Variants in PKP2 observed in about 807,000 individuals in gnomAD.
The protein encoded by PKP2 is plakophilin 2.
PKP2 carries 73 observed loss-of-function variants against 83.4 expected under a neutral mutation model. The ratio of observed to expected loss-of-function variants is 0.88; its 90% CI spans 0.72 to 1.06. The LOEUF is 1.06. Ranked by LOEUF, PKP2 falls within the 50% of genes least tolerant of loss-of-function variation. The pLI, the probability that PKP2 is intolerant of heterozygous loss-of-function variation, is 0.00. For missense variants in PKP2, 966 were observed against 1,065.4 expected, an observed-to-expected ratio of 0.91 and a Z score of 1.30; for synonymous variants, 409 against 430.4, an observed-to-expected ratio of 0.95 and a Z score of 0.62.
In PKP2 at chr12:32,821,315, A is replaced by G. The variant is rs566468240; in HGVS notation, c.2013+41T>C. On this transcript the variant is annotated intron_variant, in intron 9 of 12. Coordinates refer to ENST00000340811, the MANE Select transcript of PKP2 (RefSeq NM_001005242.3). ...AATTGAATGTAGGTATGTCTACAAT[A>G]TCATTATTTTAAAAAGTAGGAAATC... The G allele has an allele frequency of 1.9e-4, 288 of 1,545,778 alleles. 1 individual carries two copies. In the South Asian group the frequency reaches 3.1e-3, roughly 17 times the overall value.
chr12:32,846,828 A>G (rs985999023), intron 5 of PKP2, among the ~76,000 whole-genome samples: 5 of 151,838 alleles, frequency 3.3e-5, no homozygotes, highest in African/African-American at 1.2e-4. Context: ...TCTCAAAGAC[A>G]AGCCCCTTCT....
chr12:32,805,911 G>A (rs983346739), intron 9 of PKP2, among the ~76,000 whole-genome samples: 1 of 152,122 alleles, frequency 6.6e-6, no homozygotes, highest in African/African-American at 2.4e-5. Flanking sequence ...TTTATTGAGA[G>A]CTTTTACCAT....
intron 6 of PKP2, among the ~76,000 whole-genome samples, chr12:32,834,593 C>T (rs1164720183): frequency 6.6e-6 from 1 of 152,082 alleles, no homozygotes; most frequent in Admixed American, 6.6e-5. Context: ...CCTACCATTC[C>T]TCATGGTCTT....
intron 11 of PKP2, among the ~76,000 whole-genome samples, chr12:32,793,612 GCT>G (rs1956093341): frequency 6.4e-5 from 6 of 94,312 alleles, no homozygotes; most frequent in Non-Finnish European, 1.0e-4. Context: ...TTCATATTCT[GCT>G]TTTTTTTTTT....
Position 32,792,229 on chromosome 12 carries a change from A to C in PKP2, c.*195T>G. On this transcript the variant is annotated 3_prime_UTR_variant, in exon 13 of 13. Transcript: ENST00000340811. The stretch of plus-strand genomic sequence containing the variant: ...TTTGTCGAGCCTGTGGCCGGTATCT[A>C]CTGGTGGCAAACTTGCAAAGGTCTT... The C allele has an allele frequency of 1.6e-6, 1 of 633,068 alleles. No homozygotes were observed. Among genetic ancestry groups the C allele is most frequent in the South Asian group, 1.8e-5 (1 of 54,434 alleles). The allele number at this position is 633,068 out of a possible 1,614,324, so 39.2% of individuals were successfully genotyped here.
At chr12:32,805,579 G>T (rs548865696) in intron 9 of PKP2, among the ~76,000 whole-genome samples, 2 of 152,262 alleles carry the variant, frequency 1.3e-5, no homozygotes, top group African/African-American at 4.8e-5. Context: ...CCCATTGCTT[G>T]CTTTTGTCAG....
chr12:32,811,801 C>T (rs1956279332), intron 9 of PKP2, among the ~76,000 whole-genome samples: 1 of 152,218 alleles, frequency 6.6e-6, no homozygotes, highest in Non-Finnish European at 1.5e-5. Context: ...TCTCCAACAG[C>T]TTGGCTTTCT....
chr12:32,821,211 C>T (rs564051910), intron 9 of PKP2, 145 bp downstream of exon 9: 17 of 765,914 alleles, frequency 2.2e-5, no homozygotes, highest in East Asian at 2.2e-4. Context: ...AAGCTGAGAC[C>T]GAAGCCCTCT....
chr12:32,886,451 T>C (rs1957030697), intron 1 of PKP2, among the ~76,000 whole-genome samples: 2 of 152,224 alleles, frequency 1.3e-5, no homozygotes, highest in Admixed American at 1.3e-4. Flanking sequence ...GAAAATATAC[T>C]GAGACTCATC....
intron 1 of PKP2, among the ~76,000 whole-genome samples, chr12:32,889,837 T>G (rs551852005): frequency 6.6e-6 from 1 of 152,058 alleles, no homozygotes; most frequent in Non-Finnish European, 1.5e-5. Context: ...TCCCAGCACT[T>G]TGGGAGGCCG....
intron 1 of PKP2, among the ~76,000 whole-genome samples, chr12:32,879,971 G>A (rs939860266): frequency 6.6e-6 from 1 of 151,892 alleles, no homozygotes; most frequent in Non-Finnish European, 1.5e-5. Flanking sequence ...GGTTTAGCTG[G>A]TCGAGACTAT....
At chr12:32,855,470 T>G (rs978384095) in intron 4 of PKP2, among the ~76,000 whole-genome samples, 1 of 152,138 alleles carries the variant, frequency 6.6e-6, no homozygotes, top group Non-Finnish European at 1.5e-5. Flanking sequence ...AAAATTCATA[T>G]GTCATTTAAA....
At chr12:32,807,957 A>G (rs1956242045) in intron 9 of PKP2, among the ~76,000 whole-genome samples, 1 of 152,094 alleles carries the variant, frequency 6.6e-6, no homozygotes, top group Admixed American at 6.6e-5. Flanking sequence ...GGCTGCCCTT[A>G]ACACTTATTC....
chr12:32,896,475 G>C lies in PKP2; in HGVS notation c.223+34C>G, dbSNP rs572393473. On this transcript the variant is annotated intron_variant, in intron 1 of 12. Transcript: ENST00000340811. ...GAGGAGGTGACCGGGTGTGGGGCAG[G>C]GGGCGGCGCCGGGGAGCGGCGGGCT... The C allele has an allele frequency of 5.5e-5, 79 of 1,432,864 alleles. 1 individual carries two copies. In the African/African-American group the frequency reaches 1.0e-3, roughly 19 times the overall value. 88.8% of individuals were successfully genotyped at this position (1,432,864 alleles called of 1,614,324 possible).
At chr12:32,845,652 A>T (rs1956637923) in intron 5 of PKP2, among the ~76,000 whole-genome samples, 2 of 152,224 alleles carry the variant, frequency 1.3e-5, no homozygotes, top group Non-Finnish European at 2.9e-5. Flanking sequence ...AGCAAAACTT[A>T]CAAGTTTTAT....
chr12:32,798,302 G>T (rs1057487500), intron 10 of PKP2, among the ~76,000 whole-genome samples: 1 of 151,338 alleles, frequency 6.6e-6, no homozygotes, highest in African/African-American at 2.4e-5. Context: ...CCATGTTGAG[G>T]CTGGTCTCGA....
At chr12:32,800,925 G>A (rs1454248010) in intron 10 of PKP2, among the ~76,000 whole-genome samples, 1 of 152,184 alleles carries the variant, frequency 6.6e-6, no homozygotes, top group Non-Finnish European at 1.5e-5. Flanking sequence ...CAACTTTATT[G>A]CAGGTGAGAA....
chr12:32,804,194 C>G (rs1192943426), intron 9 of PKP2, among the ~76,000 whole-genome samples: 9 of 152,094 alleles, frequency 5.9e-5, no homozygotes, highest in Non-Finnish European at 1.2e-4. Flanking sequence ...ACATGAAAAG[C>G]AATTGAGGGA....
At chr12:32,875,771 G>GA (rs1212171978) in intron 3 of PKP2, among the ~76,000 whole-genome samples, 1 of 152,186 alleles carries the variant, frequency 6.6e-6, no homozygotes, top group Admixed American at 6.5e-5. Context: ...TTCCAGGTTT[G>GA]AAAATAGTAG....
Sources: allele counts gnomAD v4.1 joint callset (sites outside exome capture counted in the v4.1 genomes callset), GRCh38; gene constraint gnomAD v4.1.1; transcripts MANE v1.5; gene names NCBI Gene and HGNC (gene_info 2026-07-23, HGNC 2026-07-21).